The following SDK1 variants were observed in gnomAD, a reference collection of about 807,000 sequenced individuals.
SDK1 encodes the protein protein sidekick-1.
A neutral mutation model predicts 245.5 loss-of-function variants in SDK1; 157 were observed. The observed-to-expected ratio is 0.64, with a 90% confidence interval of 0.56 to 0.73. The LOEUF is 0.73. SDK1 is among the 30% of genes least tolerant of loss of function. The pLI is 0.00. For missense variants in SDK1, 3,583 were observed against 3,002.3 expected (o/e 1.19, Z -4.52); for synonymous variants, 1,647 against 1,278.5 (o/e 1.29, Z -6.15).
rs117416803 is a variant in SDK1 at position 4,235,042 on chromosome 7, A to T, written c.5992+1623A>T. ...CCTTTATGTGCTATGAGTTTGGAGG[A>T]ACGACCCTGTGCTCGTCTGTGGGTG... On this transcript the variant is annotated intron_variant, in intron 41 of 44. Coordinates refer to ENST00000404826, the MANE Select transcript of SDK1 (RefSeq NM_152744.4). 8.3e-4 allele frequency among the ~76,000 whole-genome samples: 127 copies of T among 152,232 alleles called. 3 individuals are homozygous for T. The East Asian group carries it at 0.019, about 22-fold the overall frequency.
chr7:4,213,664 C>T (rs1784627840), intron 38 of SDK1, among the ~76,000 whole-genome samples: 1 of 152,062 alleles, frequency 6.6e-6, no homozygotes, highest in Admixed American at 6.5e-5. Flanking sequence ...GCACAGGGGC[C>T]TCGATGTGTT....
intron 4 of SDK1, among the ~76,000 whole-genome samples, chr7:3,768,097 C>T (rs1780306057): frequency 1.3e-5 from 2 of 152,176 alleles, no homozygotes; most frequent in South Asian, 2.1e-4. Context: ...ATCCCAGGCT[C>T]TTGATTGTCT....
At chr7:4,115,310 T>C (rs1181250054) in intron 25 of SDK1, among the ~76,000 whole-genome samples, 1 of 152,184 alleles carries the variant, frequency 6.6e-6, no homozygotes, top group Non-Finnish European at 1.5e-5. Flanking sequence ...TAACCTAGGC[T>C]GTTAGAAATA....
At chr7:4,241,948 G>A in intron 43 of SDK1, 35 bp downstream of exon 43, 1 of 1,605,896 alleles carries the variant, frequency 6.2e-7, no homozygotes, top group East Asian at 2.2e-5. Context: ...CCCACCTGGG[G>A]ATCTGAGCTG....
chr7:3,921,902 G>C (rs1779598273), intron 5 of SDK1, among the ~76,000 whole-genome samples: 1 of 151,822 alleles, frequency 6.6e-6, no homozygotes, highest in South Asian at 2.1e-4. Flanking sequence ...GGAGGTCAAG[G>C]CTGTGGTGAA....
At chr7:3,343,512 C>G (rs1780409501) in intron 1 of SDK1, among the ~76,000 whole-genome samples, 1 of 152,112 alleles carries the variant, frequency 6.6e-6, no homozygotes, top group Non-Finnish European at 1.5e-5. Flanking sequence ...GTAGGACGGA[C>G]ATGGATGTGG....
At chr7:3,431,350 T>C (rs1383803526) in intron 1 of SDK1, among the ~76,000 whole-genome samples, 1 of 144,420 alleles carries the variant, frequency 6.9e-6, no homozygotes, top group Non-Finnish European at 1.5e-5. Flanking sequence ...ACTCTGAAAA[T>C]GTGGGAGGTT....
intron 43 of SDK1, among the ~76,000 whole-genome samples, chr7:4,243,801 G>A (rs1474576342): frequency 5.9e-5 from 9 of 152,144 alleles, no homozygotes; most frequent in Non-Finnish European, 1.3e-4. Context: ...TTGAAGGAAA[G>A]GATTCTCTGC....
At chr7:4,096,019 A>G (rs1038917997) in intron 22 of SDK1, among the ~76,000 whole-genome samples, 19 of 152,232 alleles carry the variant, frequency 1.2e-4, no homozygotes, top group African/African-American at 4.3e-4. Context: ...TTCCTTGGAA[A>G]ATAGGCAGTG....
At chr7:4,120,016 A>C (rs138771725) in intron 25 of SDK1, among the ~76,000 whole-genome samples, 1 of 149,250 alleles carries the variant, frequency 6.7e-6, no homozygotes, top group Non-Finnish European at 1.5e-5. Context: ...GGACACAGTC[A>C]TTGAAAATGA....
chr7:4,113,487 A>G (rs776714974), intron 24 of SDK1, 48 bp downstream of exon 24: 1 of 1,599,756 alleles, frequency 6.3e-7, no homozygotes, highest in African/African-American at 1.3e-5. Context: ...GTCCTGAGTG[A>G]GCCAGGGCAC....
intron 13 of SDK1, among the ~76,000 whole-genome samples, chr7:3,983,051 C>G (rs116499121): frequency 0.01 from 1,537 of 152,228 alleles, 24 homozygotes; most frequent in African/African-American, 0.035. Flanking sequence ...GCTGCAATCT[C>G]ATGATCAAAC....
chr7:4,162,078 C>T (rs1311651343), intron 32 of SDK1, among the ~76,000 whole-genome samples: 3 of 151,914 alleles, frequency 2.0e-5, no homozygotes, highest in Non-Finnish European at 2.9e-5. Flanking sequence ...CTGTGATGCA[C>T]GTAGAGAATG....
chr7:4,031,666 A>G (rs761125541), intron 17 of SDK1, among the ~76,000 whole-genome samples: 2 of 152,350 alleles, frequency 1.3e-5, no homozygotes, highest in East Asian at 3.9e-4. Context: ...AAATATATGT[A>G]GATATAGCAA....
chr7:4,172,224 A>G lies in SDK1; in HGVS notation c.4801-1998A>G, dbSNP rs538293306. 7.2e-5 allele frequency among the ~76,000 whole-genome samples: 11 copies of G among 152,344 alleles called. No individual in the cohort carries two copies. The South Asian group carries it at 8.3e-4, about 11-fold the overall frequency. On this transcript the variant is annotated intron_variant, in intron 32 of 44. Coordinates refer to ENST00000404826, the MANE Select transcript of SDK1 (RefSeq NM_152744.4). The stretch of plus-strand genomic sequence containing the variant: ...GAGGGACAGCTGCTGGCAGCCCTGC[A>G]TGGCAGTGGCCTGGGGGCTGCTTGA...
At chr7:4,022,429 C>G (rs897612795) in intron 17 of SDK1, among the ~76,000 whole-genome samples, 2 of 152,104 alleles carry the variant, frequency 1.3e-5, no homozygotes, top group South Asian at 4.1e-4. Context: ...ATCCGAATGC[C>G]CGGGAAAGAT....
chr7:4,161,603 C>G (rs561975717), intron 31 of SDK1, among the ~76,000 whole-genome samples, 183 bp from the exon 32 acceptor site: 1 of 152,092 alleles, frequency 6.6e-6, no homozygotes, highest in African/African-American at 2.4e-5. Context: ...CCTCCTATCC[C>G]GAGGACAGGC....
At chr7:3,415,916 C>G (rs759428316) in intron 1 of SDK1, among the ~76,000 whole-genome samples, 9 of 152,070 alleles carry the variant, frequency 5.9e-5, no homozygotes, top group South Asian at 2.1e-4. Context: ...AAGCCACTCT[C>G]CCCCATCCTG....
intron 17 of SDK1, among the ~76,000 whole-genome samples, chr7:4,039,379 G>A (rs1788443770): frequency 6.6e-6 from 1 of 151,852 alleles, no homozygotes; most frequent in Admixed American, 6.6e-5. Context: ...ATCAACCTAA[G>A]TAATTTTACT....
Sources: gnomAD v4.1 joint callset for allele counts (sites outside exome capture counted in the v4.1 genomes callset) on GRCh38, gnomAD v4.1.1 for gene constraint, MANE v1.5 for transcripts, NCBI Gene and HGNC (gene_info 2026-07-23, HGNC 2026-07-21) for gene names.